MED23: variants seen among roughly 807,000 people sequenced by gnomAD.
MED23 encodes mediator of RNA polymerase II transcription subunit 23.
Under a neutral mutation model 163.9 loss-of-function variants are expected in MED23, and 105 were observed. The observed-to-expected ratio is 0.64, with a 90% CI of 0.55 to 0.75. The LOEUF is 0.75. Ranked by LOEUF, MED23 falls within the 30% of genes least tolerant of loss-of-function variation. The pLI is 0.00. For missense variants in MED23, 1,054 were observed against 1,649.0 expected, an observed-to-expected ratio of 0.64 and a Z score of 6.25; for synonymous variants, 561 against 565.6, an observed-to-expected ratio of 0.99 and a Z score of 0.12.
chr6:131,610,815 A>G (rs542893756), intron 10 of MED23, among the ~76,000 whole-genome samples: 1 of 152,306 alleles, frequency 6.6e-6, no homozygotes, highest in African/African-American at 2.4e-5. Flanking sequence ...CCTGATACTG[A>G]AATGGAAACT....
At chr6:131,597,525 C>T (rs1324015439) in intron 20 of MED23, among the ~76,000 whole-genome samples, 1 of 123,674 alleles carries the variant, frequency 8.1e-6, no homozygotes, top group African/African-American at 3.1e-5. Flanking sequence ...TGGAAATAGA[C>T]ATCAAAGTCA....
In MED23 at chr6:131,598,507, T is replaced by C. The variant is rs767560678; in HGVS notation, c.2427-40A>G. ...GTAAAACATAAACTCCATTGTTGTA[T>C]GGATACAACAATTTGCCAAATGGAA... is the stretch of plus-strand genomic sequence containing the variant. On this transcript the variant is annotated intron_variant, in intron 19 of 28. Coordinates refer to ENST00000368068, the MANE Select transcript of MED23 (RefSeq NM_004830.4). The surrounding 1 kb of genome is among the most constrained non-coding windows in gnomAD (Gnocchi z 4.7). 3 of 1,613,818 alleles carry C rather than the reference T, an allele frequency of 1.9e-6. No homozygotes were observed. Among genetic ancestry groups the C allele is most frequent in the African/African-American group, 2.7e-5 (2 of 74,920 alleles).
intron 3 of MED23, 192 bp downstream of exon 3, chr6:131,627,204 C>G (rs1254739967): frequency 1.7e-6 from 1 of 602,116 alleles, no homozygotes; most frequent in African/African-American, 1.9e-5. Context: ...CTTGACTTCT[C>G]AACACAGGTT....
chr6:131,609,415 T>C (rs1423544108), intron 11 of MED23, among the ~76,000 whole-genome samples: 4 of 152,054 alleles, frequency 2.6e-5, no homozygotes, highest in Non-Finnish European at 4.4e-5. Context: ...ACTTTTCTTT[T>C]TCTCTCAGCA....
At chr6:131,597,429 T>A (rs183848168) in intron 20 of MED23, among the ~76,000 whole-genome samples, 129 of 122,624 alleles carry the variant, frequency 1.1e-3, no homozygotes, top group African/African-American at 3.9e-3. Context: ...TGAGCCAACA[T>A]CACGCCACTG....
At chr6:131,583,541 ATATATT>A, downstream of MED23, 1 of 1,559,888 alleles carries the variant, frequency 6.4e-7, no homozygotes, top group Non-Finnish European at 8.6e-7. Flanking sequence ...CTTGACTAAT[ATATATT>A]TATACCTCCT....
intron 30 of MED23, among the ~76,000 whole-genome samples, chr6:131,575,948 A>G (rs1773591327): frequency 6.6e-6 from 1 of 152,170 alleles, no homozygotes; most frequent in South Asian, 2.1e-4. Flanking sequence ...TTTCTCCCCA[A>G]GAGCTCTAGC....
At chr6:131,583,429 C>G (rs766077763), downstream of MED23, 7 of 1,614,006 alleles carry the variant, frequency 4.3e-6, no homozygotes, top group South Asian at 7.7e-5. Context: ...ACTGGCACAC[C>G]AGTCGTGGGA....
intron 25 of MED23, 30 bp from the exon 26 acceptor site, chr6:131,591,557 AT>A: frequency 2.0e-6 from 3 of 1,493,244 alleles, no homozygotes; most frequent in Non-Finnish European, 2.8e-6. Flanking sequence ...CTAGTGAAAA[AT>A]ATCACTTATC....
rs1776649709 is a variant in MED23, at chr6:131,615,838, C to A, written c.876+69G>T. 2.5e-6 allele frequency: 3 copies of A among 1,177,756 alleles called. No homozygotes were observed. The Admixed American group carries it at 5.2e-5, about 20-fold the overall frequency. The allele number at this position is 1,177,756 out of a possible 1,614,324, so 73.0% of individuals were successfully genotyped here. A position where few individuals can be genotyped will look rare whatever the true frequency, so the allele number is the denominator to read the frequency against. On this transcript the variant is annotated intron_variant, in intron 10 of 28. Coordinates refer to ENST00000368068, the MANE Select transcript of MED23 (RefSeq NM_004830.4). ...AACTGTTTTGCTCAGTTAGCTATAG[C>A]AAAGAAAAGAGAAAAGAATAGTGCA... is the stretch of plus-strand genomic sequence containing the variant.
chr6:131,594,071 G>A, intron 23 of MED23, 28 bp downstream of exon 23: 1 of 1,498,910 alleles, frequency 6.7e-7, no homozygotes, highest in African/African-American at 1.4e-5. Context: ...TTATTTCTGG[G>A]AGTCTAAAAT....
chr6:131,616,379 C>G (rs527914036), intron 9 of MED23, among the ~76,000 whole-genome samples: 33 of 152,296 alleles, frequency 2.2e-4, no homozygotes, highest in Non-Finnish European at 4.7e-4. Flanking sequence ...TAGATTTTGT[C>G]CTAGGTGCTC....
In MED23 at chr6:131,592,438, T is replaced by C. The variant is rs779161970; in HGVS notation, c.3421A>G (p.Asn1141Asp). Reference protein sequence around the residue: ...LKSQPLVPRENITAWMNAIGL... With the variant: ...LKSQPLVPREDITAWMNAIGL... ...ATTGCATTCATCCATGCTGTAATGT[T>C]CTCTCTTGGCACTAAAGGCTGACTG... is the stretch of plus-strand genomic sequence containing the variant. The change falls in exon 25 of 29, where the codon AAC (asparagine) becomes GAC (aspartate). Residue 1141 changes from asparagine to aspartate, a missense_variant. This residue lies in a region of MED23 where 362 missense variants were observed against 471.6 expected (regional missense o/e 0.77). Transcript: ENST00000368068. 2 of 1,613,990 alleles carry C rather than the reference T, an allele frequency of 1.2e-6. No homozygotes were observed. Among genetic ancestry groups the C allele is most frequent in the South Asian group, 2.2e-5 (2 of 91,068 alleles).
At chr6:131,585,098 G>A (rs1216085153), downstream of MED23, among the ~76,000 whole-genome samples, 1 of 151,924 alleles carries the variant, frequency 6.6e-6, no homozygotes, top group East Asian at 1.9e-4. Flanking sequence ...TTCAGCTGAG[G>A]ATGTCATCTA....
chr6:131,625,019 G>T (rs1026942229), intron 3 of MED23, 30 bp from the exon 4 acceptor site: 1 of 1,610,446 alleles, frequency 6.2e-7, no homozygotes, highest in Non-Finnish European at 8.5e-7. Context: ...TTTTACTTGG[G>T]GTCTAAAGTT....
chr6:131,615,066 C>CAAAAAAAAAAAA (rs5880072), intron 10 of MED23, among the ~76,000 whole-genome samples: 4 of 68,234 alleles, frequency 5.9e-5, no homozygotes, highest in Non-Finnish European at 5.7e-5. Flanking sequence ...TCTTTGTTAC[C>CAAAAAAAAAAAA]AAAAAAAAAA....
chr6:131,574,788 T>C (rs183856847), intron 30 of MED23, among the ~76,000 whole-genome samples: 34 of 152,312 alleles, frequency 2.2e-4, no homozygotes, highest in Admixed American at 1.0e-3. Context: ...CTTGAAAGGC[T>C]TGCAAGGCAG....
Position 131,625,500 on chromosome 6 carries a change from G to C in MED23, c.160-511C>G, listed in dbSNP as rs1777419454. 2.0e-5 allele frequency among the ~76,000 whole-genome samples: 3 copies of C among 152,126 alleles called. No individual in the cohort carries two copies. In the South Asian group the frequency reaches 6.2e-4, roughly 32 times the overall value. Reference sequence around the variant, plus strand: ...AAAACTTTAAATACGATGTCAAAATGTTGTGCCCGTATCAAAGTTTGTCTT... The same window carrying C: ...AAAACTTTAAATACGATGTCAAAATCTTGTGCCCGTATCAAAGTTTGTCTT... On this transcript the variant is annotated intron_variant, in intron 3 of 28. Transcript: ENST00000368068.
intron 15 of MED23, 48 bp from the exon 16 acceptor site, chr6:131,603,252 T>C (rs1368876860): frequency 3.2e-6 from 5 of 1,573,890 alleles, no homozygotes; most frequent in Non-Finnish European, 4.4e-6. Flanking sequence ...AGGCTATGCA[T>C]GAAAAGATAT....
Sources: gnomAD v4.1 joint callset for allele counts (sites outside exome capture counted in the v4.1 genomes callset) on GRCh38, gnomAD v4.1.1 for gene constraint, gnomAD v4.1.1 regional missense constraint, Gnocchi (gnomAD v3.1) non-coding constraint, MANE v1.5 for transcripts, NCBI Gene and HGNC (gene_info 2026-07-23, HGNC 2026-07-21) for gene names.